The following ITGAX variants were observed in gnomAD, a reference collection of about 807,000 sequenced individuals.
The protein encoded by ITGAX is integrin subunit alpha X, also known as integrin alpha-X.
In ITGAX, 99 loss-of-function variants were observed where a neutral mutation model predicts 140.2. That is an observed-to-expected ratio of 0.71 (90% confidence interval 0.60 to 0.83). ITGAX has a LOEUF of 0.83. Among genes scored for constraint, ITGAX ranks in the 40% least tolerant of loss-of-function variants. The pLI is 0.00. For missense variants in ITGAX, 1,444 were observed against 1,482.0 expected, an observed-to-expected ratio of 0.97 and a Z score of 0.42; for synonymous variants, 631 against 600.4, an observed-to-expected ratio of 1.05 and a Z score of -0.75.
chr16:31,360,971 G>A (rs2080818319), intron 8 of ITGAX, 92 bp from the exon 9 acceptor site: 1 of 1,250,978 alleles, frequency 8.0e-7, no homozygotes. Flanking sequence ...TGATCATGTT[G>A]ATCTTGTGGG....
intron 14 of ITGAX, among the ~76,000 whole-genome samples, chr16:31,370,875 A>G (rs2080948799): frequency 6.6e-6 from 1 of 152,026 alleles, no homozygotes; most frequent in Non-Finnish European, 1.5e-5. Context: ...TCACCAGGAC[A>G]CCCTTCCTAT....
intron 5 of ITGAX, among the ~76,000 whole-genome samples, chr16:31,359,256 C>T (rs564388191): frequency 6.6e-6 from 1 of 152,296 alleles, no homozygotes; most frequent in East Asian, 1.9e-4. Flanking sequence ...GCAACCTCCA[C>T]CTCCCAGGTT....
chr16:31,362,356 G>C, intron 11 of ITGAX, 152 bp downstream of exon 11: 1 of 242,994 alleles, frequency 4.1e-6, no homozygotes. Context: ...CCCGGGGTGG[G>C]TTCCAGGTTC....
At chr16:31,370,541 G>C (rs1436177839) in intron 14 of ITGAX, among the ~76,000 whole-genome samples, 1 of 152,140 alleles carries the variant, frequency 6.6e-6, no homozygotes, top group Non-Finnish European at 1.5e-5. Flanking sequence ...CCTCTTAAAG[G>C]CTACCTGGGG....
chr16:31,373,224 C>T lies in ITGAX; in HGVS notation c.2367-25C>T, dbSNP rs1350160148. Reference sequence around the variant, plus strand: ...CTAGCCTCAGTCACAGAATCATCTTCTCCTTTCCTTCACCTGATACCCAGC... The same window carrying T: ...CTAGCCTCAGTCACAGAATCATCTTTTCCTTTCCTTCACCTGATACCCAGC... On this transcript the variant is annotated intron_variant, in intron 19 of 29. Transcript: ENST00000268296. 5 of 1,515,470 alleles carry T rather than the reference C, an allele frequency of 3.3e-6. No homozygotes were observed. In the African/African-American group the frequency reaches 4.2e-5, roughly 13 times the overall value. 93.9% of individuals were successfully genotyped at this position (1,515,470 alleles called of 1,614,324 possible).
At chr16:31,359,024 T>C (rs2080792179) in intron 5 of ITGAX, among the ~76,000 whole-genome samples, 1 of 151,966 alleles carries the variant, frequency 6.6e-6, no homozygotes, top group East Asian at 1.9e-4. Context: ...CTAACTATGC[T>C]GTCCAGGCTG....
chr16:31,372,169 G>T (rs373827057), intron 17 of ITGAX, among the ~76,000 whole-genome samples: 39 of 150,794 alleles, frequency 2.6e-4, no homozygotes, highest in East Asian at 1.9e-3. Flanking sequence ...GAGGTCTGGG[G>T]GGGGGGAGGA....
Position 31,376,978 on chromosome 16 carries a change from C to T in ITGAX, c.2626-22C>T, listed in dbSNP as rs201744075. The T allele has an allele frequency of 8.7e-5, 141 of 1,613,810 alleles. No homozygotes were observed. The African/African-American group carries it at 1.5e-3, about 17-fold the overall frequency. ...CCACCCTGTCTTTACTGCTCTGTGA[C>T]CTCTCAGTTCCTTTTCCTCAGATCA... is the stretch of plus-strand genomic sequence containing the variant. On this transcript the variant is annotated intron_variant, in intron 21 of 29. Coordinates refer to ENST00000268296, the MANE Select transcript of ITGAX (RefSeq NM_000887.5).
In ITGAX at chr16:31,381,991, CCACTG is replaced by C; in HGVS notation, c.*88_*92del. 2.7e-6 allele frequency: 4 copies of C among 1,456,186 alleles called. No homozygotes were observed. Among genetic ancestry groups the C allele is most frequent in the Non-Finnish European group, 3.7e-6 (4 of 1,093,436 alleles). 90.2% of individuals were successfully genotyped at this position (1,456,186 alleles called of 1,614,324 possible). A position where few individuals can be genotyped will look rare whatever the true frequency, so the allele number is the denominator to read the frequency against. On this transcript the variant is annotated 3_prime_UTR_variant, in exon 30 of 30. Transcript: ENST00000268296. ...ACCTGTCAGGCCTGACGGGGAGGAA[CCACTG>C]CACCACCGAGAGAGGCTGGGATGGG...
At chr16:31,360,197 C>T (rs967217939) in intron 7 of ITGAX, 113 bp from the exon 8 acceptor site, 7 of 1,503,014 alleles carry the variant, frequency 4.7e-6, no homozygotes, top group Non-Finnish European at 6.3e-6. Flanking sequence ...GCTGGGGCCT[C>T]TGGGTGGGAC....
chr16:31,364,367 C>A (rs1170429213), intron 14 of ITGAX, among the ~76,000 whole-genome samples: 1 of 136,454 alleles, frequency 7.3e-6, no homozygotes, highest in Non-Finnish European at 1.5e-5. Context: ...GTTGAGGCTG[C>A]AGTGAGCTAT....
chr16:31,372,709 C>A, intron 19 of ITGAX, 39 bp downstream of exon 19: 3 of 1,575,804 alleles, frequency 1.9e-6, no homozygotes, highest in Middle Eastern at 1.7e-4. Flanking sequence ...ACTGCCCCAG[C>A]CTCCTTCCTG....
chr16:31,372,746 T>C, intron 19 of ITGAX, 76 bp downstream of exon 19: 3 of 1,364,554 alleles, frequency 2.2e-6, no homozygotes, highest in Non-Finnish European at 2.1e-6. Context: ...CCTCTGGCTC[T>C]CCCTAACATT....
chr16:31,369,401 A>T (rs911654921), intron 14 of ITGAX, among the ~76,000 whole-genome samples: 1 of 152,244 alleles, frequency 6.6e-6, no homozygotes, highest in East Asian at 1.9e-4. Context: ...GACGACTCCA[A>T]CTTTCAAAGA....
chr16:31,377,317 A>AAC, intron 23 of ITGAX, 52 bp downstream of exon 23: 13 of 1,371,256 alleles, frequency 9.5e-6, no homozygotes, highest in African/African-American at 1.9e-5. Flanking sequence ...TGACCTCAAA[A>AAC]AGAAAAAAAA....
chr16:31,368,370 T>TG (rs1242676825), intron 14 of ITGAX, among the ~76,000 whole-genome samples: 2 of 151,550 alleles, frequency 1.3e-5, no homozygotes, highest in Non-Finnish European at 2.9e-5. Flanking sequence ...TGGTGGCAGA[T>TG]GTCTGTAATC....
chr16:31,372,881 G>C (rs1208978852), intron 19 of ITGAX, among the ~76,000 whole-genome samples: 2 of 151,588 alleles, frequency 1.3e-5, no homozygotes, highest in Admixed American at 1.3e-4. Flanking sequence ...GATCAGCCTG[G>C]GCAACAGAGC....
intron 15 of ITGAX, 49 bp downstream of exon 15, chr16:31,371,263 T>C: frequency 6.2e-7 from 1 of 1,606,510 alleles, no homozygotes; most frequent in Non-Finnish European, 8.5e-7. Context: ...TAGGTTCAGA[T>C]GGGGGTGCCC....
At chr16:31,376,977 A>G (rs2081025421) in intron 21 of ITGAX, 23 bp from the exon 22 acceptor site, 3 of 1,613,384 alleles carry the variant, frequency 1.9e-6, no homozygotes, top group African/African-American at 1.3e-5. Context: ...CTGCTCTGTG[A>G]CCTCTCAGTT....
Sources: allele counts gnomAD v4.1 joint callset (sites outside exome capture counted in the v4.1 genomes callset), GRCh38; gene constraint gnomAD v4.1.1; transcripts MANE v1.5; gene names NCBI Gene and HGNC (gene_info 2026-07-23, HGNC 2026-07-21).